The following EYS variants were observed in gnomAD, a reference collection of about 807,000 sequenced individuals.
EYS encodes the protein protein eyes shut homolog.
Under a neutral mutation model 282.1 loss-of-function variants are expected in EYS, and 250 were observed. The observed-to-expected ratio is 0.89, with a 90% CI of 0.80 to 0.98. EYS has a LOEUF of 0.98. EYS is among the 50% of genes least tolerant of loss of function. EYS has a pLI of 0.00. For missense variants in EYS, 4,016 were observed against 3,709.0 expected, an observed-to-expected ratio of 1.08 and a Z score of -2.15; for synonymous variants, 1,355 against 1,282.9, an observed-to-expected ratio of 1.06 and a Z score of -1.20.
chr6:64,823,521 A>G (rs559819581), intron 19 of EYS, among the ~76,000 whole-genome samples: 2 of 152,076 alleles, frequency 1.3e-5, no homozygotes, highest in South Asian at 4.1e-4. Context: ...GCACAGAACC[A>G]TTGTAGAATT....
chr6:63,943,479 A>T (rs544296242), intron 35 of EYS, among the ~76,000 whole-genome samples: 14 of 152,360 alleles, frequency 9.2e-5, no homozygotes, highest in Non-Finnish European at 1.9e-4. Context: ...ATTCATGAAG[A>T]TATATATTTA....
intron 30 of EYS, among the ~76,000 whole-genome samples, chr6:64,237,500 A>T (rs9362621): frequency 0.36 from 55,001 of 152,056 alleles, 10,004 homozygotes; most frequent in East Asian, 0.54. Context: ...GTACTATTTC[A>T]GTGGAGTTTT....
In EYS at chr6:65,095,046, C is replaced by A. The variant is rs553689787; in HGVS notation, c.2024-37319G>T. Among the ~76,000 whole-genome samples, 269 of 151,262 alleles carry A rather than the reference C, an allele frequency of 1.8e-3. 3 individuals are homozygous for A. The highest frequency in any genetic ancestry group is 6.3e-3 in the African/African-American group (259 of 41,438). ...CAGAAATAAAAATAATTAAATGAGA[C>A]TACTATTGGCAATTCCTCACCAAAA... On this transcript the variant is annotated intron_variant, in intron 12 of 42. Transcript: ENST00000503581.
rs550149645 is a variant in EYS, at chr6:64,643,456, T to C, written c.3444-17211A>G. On this transcript the variant is annotated intron_variant, in intron 22 of 42. Transcript: ENST00000503581. ...CATCCTACCCATAAAAGGTCTATGC[T>C]CTTTGGATGCTTGGCATCTTTTCCT... Among the ~76,000 whole-genome samples the C allele has an allele frequency of 1.4e-4, 22 of 152,318 alleles. 1 individual carries two copies. The South Asian group carries it at 4.1e-3, about 29-fold the overall frequency.
intron 35 of EYS, among the ~76,000 whole-genome samples, chr6:63,975,685 T>C (rs529796065): frequency 6.6e-6 from 1 of 152,066 alleles, no homozygotes; most frequent in Non-Finnish European, 1.5e-5. Flanking sequence ...AAGTGTCTGG[T>C]GTTCAGAAAA....
intron 22 of EYS, among the ~76,000 whole-genome samples, chr6:64,775,499 T>A (rs937579012): frequency 6.6e-6 from 1 of 151,992 alleles, no homozygotes. Context: ...CATAAAAATG[T>A]ATGTAATAAA....
At chr6:64,594,640 A>G (rs1319508192) in intron 24 of EYS, among the ~76,000 whole-genome samples, 1 of 141,634 alleles carries the variant, frequency 7.1e-6, no homozygotes, top group Non-Finnish European at 1.5e-5. Context: ...GAATTGAACG[A>G]TGAGAACACA....
At chr6:65,602,493 T>C (rs1765647876) in intron 2 of EYS, among the ~76,000 whole-genome samples, 1 of 151,966 alleles carries the variant, frequency 6.6e-6, no homozygotes, top group African/African-American at 2.4e-5. Flanking sequence ...TCTTATGCTA[T>C]GGAAAAATAT....
intron 12 of EYS, among the ~76,000 whole-genome samples, chr6:65,274,024 C>T (rs1242114264): frequency 6.6e-6 from 1 of 152,132 alleles, no homozygotes. Context: ...TTATGGAGGT[C>T]AGGTGAGCAG....
chr6:65,355,343 A>G (rs934950023), intron 8 of EYS, among the ~76,000 whole-genome samples: 1 of 151,984 alleles, frequency 6.6e-6, no homozygotes, highest in Non-Finnish European at 1.5e-5. Flanking sequence ...AACCACCTGT[A>G]CCCCCAAAAG....
chr6:64,155,923 G>A (rs570784262), intron 31 of EYS, among the ~76,000 whole-genome samples: 28 of 151,852 alleles, frequency 1.8e-4, no homozygotes, highest in African/African-American at 4.3e-4. Context: ...GTGGAACTCC[G>A]CACAAAACCC....
At chr6:65,183,190 T>C (rs1452242534) in intron 12 of EYS, among the ~76,000 whole-genome samples, 1 of 152,024 alleles carries the variant, frequency 6.6e-6, no homozygotes, top group African/African-American at 2.4e-5. Context: ...TTTTTTCGTA[T>C]AGTTATTACC....
At chr6:65,444,853 A>ATTTATACTT (rs2150397103) in intron 5 of EYS, among the ~76,000 whole-genome samples, 1 of 152,208 alleles carries the variant, frequency 6.6e-6, no homozygotes, top group South Asian at 2.1e-4. Context: ...TAGATGCTAG[A>ATTTATACTT]AGCAGGACCA....
intron 24 of EYS, among the ~76,000 whole-genome samples, chr6:64,611,320 C>A (rs1767110316): frequency 6.6e-6 from 1 of 152,126 alleles, no homozygotes; most frequent in Admixed American, 6.6e-5. Flanking sequence ...TTAGAGATAC[C>A]TTTCTAATCC....
intron 26 of EYS, among the ~76,000 whole-genome samples, chr6:64,539,767 G>A (rs1764640371): frequency 1.3e-5 from 2 of 152,116 alleles, no homozygotes; most frequent in Admixed American, 6.6e-5. Context: ...AAAACATATT[G>A]AGTTTTTGCT....
At position 64,710,821 on chromosome 6, in the gene EYS, T is replaced by A. The variant is rs114352750; in HGVS notation, c.3444-84576A>T. Among the ~76,000 whole-genome samples, 70 of 152,356 alleles carry A rather than the reference T, an allele frequency of 4.6e-4. 1 individual carries two copies. The highest frequency in any genetic ancestry group is 1.5e-3 in the African/African-American group (61 of 41,588). ...GCCATGTTTTCTTGTGGAACATTTA[T>A]GCAAATGCTCACAGGAGGTTGGAGA... On this transcript the variant is annotated intron_variant, in intron 22 of 42. Transcript: ENST00000503581.
chr6:65,550,372 T>C lies in EYS; in HGVS notation c.-332-54379A>G, dbSNP rs1214149982. ...TTTTATTATACTCTAAGTTTTAGGG[T>C]ACATGTGCACATTGTGCAGGTTAGT... On this transcript the variant is annotated intron_variant, in intron 2 of 42. Transcript: ENST00000503581. Among the ~76,000 whole-genome samples the C allele has an allele frequency of 1.8e-4, 3 of 16,636 alleles. 1 individual carries two copies. The highest frequency in any genetic ancestry group is 2.0e-3 in the Admixed American group (2 of 982). 10.9% of individuals were successfully genotyped at this position (16,636 alleles called of 152,430 possible).
chr6:63,752,865 T>C (rs1179072646), intron 41 of EYS, among the ~76,000 whole-genome samples: 1 of 152,048 alleles, frequency 6.6e-6, no homozygotes, highest in Non-Finnish European at 1.5e-5. Flanking sequence ...GACGTAGTGC[T>C]CTGTTTTTGG....
chr6:63,840,385 G>T lies in EYS; in HGVS notation c.7228+23801C>A, dbSNP rs150746661. On this transcript the variant is annotated intron_variant, in intron 36 of 42. Coordinates refer to ENST00000503581, the MANE Select transcript of EYS (RefSeq NM_001142800.2). ...AGCCCCATTTCTTAATTGGATTGTT[G>T]TTTGTTTTGCTATTGAGTTGCTTGA... is the stretch of plus-strand genomic sequence containing the variant. 3.7e-3 allele frequency among the ~76,000 whole-genome samples: 560 copies of T among 151,966 alleles called. 2 individuals carry two copies. The highest frequency in any genetic ancestry group is 6.8e-3 in the Middle Eastern group (2 of 292).
Sources: allele counts gnomAD v4.1 joint callset (sites outside exome capture counted in the v4.1 genomes callset), GRCh38; gene constraint gnomAD v4.1.1; transcripts MANE v1.5; gene names NCBI Gene and HGNC (gene_info 2026-07-23, HGNC 2026-07-21).